Variants in ABL1 observed in about 807,000 individuals in gnomAD.
The protein encoded by ABL1 is ABL proto-oncogene 1, non-receptor tyrosine kinase.
A neutral mutation model predicts 94.7 loss-of-function variants in ABL1; 11 were observed. The observed-to-expected ratio is 0.12, with a 90% CI of 0.07 to 0.19. The LOEUF is 0.19. Ranked by LOEUF, ABL1 falls within the 10% of genes least tolerant of loss-of-function variation. The pLI, the probability that ABL1 is intolerant of heterozygous loss-of-function variation, is 1.00. For missense variants in ABL1, 1,082 were observed against 1,489.4 expected, an observed-to-expected ratio of 0.73 and a Z score of 4.50; for synonymous variants, 656 against 622.4, an observed-to-expected ratio of 1.05 and a Z score of -0.80.
chr9:130,865,999 T>G lies in ABL1; in HGVS notation c.822+2964T>G, dbSNP rs143230301. Among the ~76,000 whole-genome samples the G allele has an allele frequency of 2.1e-3, 322 of 152,288 alleles. 1 individual carries two copies. Among genetic ancestry groups the G allele is most frequent in the African/African-American group, 7.5e-3 (313 of 41,546 alleles). The stretch of plus-strand genomic sequence containing the variant: ...GCACCGGCATGCAGCTCAGAGGAAA[T>G]GCATACTGGAACATTTCAGATTTTG... On this transcript the variant is annotated intron_variant, in intron 4 of 10. Transcript: ENST00000318560.
intron 1 of ABL1, among the ~76,000 whole-genome samples, chr9:130,850,707 A>G (rs1007761371): frequency 6.6e-6 from 1 of 151,354 alleles, no homozygotes; most frequent in Non-Finnish European, 1.5e-5. Context: ...GGGTTTCGCT[A>G]TGTTGGCCAG....
chr9:130,845,360 T>TA (rs1446547848), intron 1 of ABL1, among the ~76,000 whole-genome samples: 1 of 151,950 alleles, frequency 6.6e-6, no homozygotes, highest in African/African-American at 2.4e-5. Context: ...TTTTTTTTTT[T>TA]AGACAGAGTC....
chr9:130,885,647 T>C lies in ABL1; in HGVS notation c.3357T>C (p.Ser1119=), dbSNP rs1402255570. 1 of 1,612,940 alleles carries C rather than the reference T, an allele frequency of 6.2e-7. No homozygotes were observed. The highest frequency in any genetic ancestry group is 8.5e-7 in the Non-Finnish European group (1 of 1,179,786). ...CTCAGGACTTCAGCAAGCTCCTCAG[T>C]TCGGTGAAGGAAATCAGTGACATAG... ...AATQDFSKLL[S]SVKEISDIVQ... The change falls in exon 11 of 11, where the codon AGT becomes AGC. Residue 1119 remains serine, a synonymous_variant. Transcript: ENST00000318560.
chr9:130,811,413 T>C (rs948471607), intron 1 of ABL1, among the ~76,000 whole-genome samples: 1 of 152,224 alleles, frequency 6.6e-6, no homozygotes, highest in Non-Finnish European at 1.5e-5. Flanking sequence ...TTAAAAGATA[T>C]GTCTTAGAGG....
At chr9:130,820,145 C>T (rs903268935) in intron 1 of ABL1, among the ~76,000 whole-genome samples, 6 of 152,082 alleles carry the variant, frequency 3.9e-5, no homozygotes, top group Non-Finnish European at 8.8e-5. Flanking sequence ...TGTTTACTAC[C>T]TAGACATTTT....
intron 1 of ABL1, among the ~76,000 whole-genome samples, chr9:130,839,474 G>C (rs1322682240): frequency 6.6e-6 from 1 of 152,222 alleles, no homozygotes; most frequent in Non-Finnish European, 1.5e-5. Context: ...CATTTTGGGT[G>C]CTATTAACAT....
At chr9:130,838,729 A>G (rs918856015) in intron 1 of ABL1, among the ~76,000 whole-genome samples, 9 of 152,242 alleles carry the variant, frequency 5.9e-5, no homozygotes, top group African/African-American at 2.2e-4. Flanking sequence ...GAGACGTCAA[A>G]GAAAACATGA....
At chr9:130,874,120 C>T (rs183457170) in intron 6 of ABL1, among the ~76,000 whole-genome samples, 1 of 152,222 alleles carries the variant, frequency 6.6e-6, no homozygotes. Context: ...TGCTGACGAT[C>T]AGGCTATCTC....
At chr9:130,765,460 C>G (rs1264513871) in intron 1 of ABL1, among the ~76,000 whole-genome samples, 1 of 152,142 alleles carries the variant, frequency 6.6e-6, no homozygotes, top group Admixed American at 6.5e-5. Context: ...AGTTTTTCTC[C>G]CAGAATCTTC....
At chr9:130,809,409 AGAGAGAGAGT>A (rs762860818) in intron 1 of ABL1, among the ~76,000 whole-genome samples, 3,944 of 125,178 alleles carry the variant, frequency 0.032, 67 homozygotes, top group South Asian at 0.065. Context: ...AGAGAGAGAG[AGAGAGAGAGT>A]GTGTGTGTGT....
In ABL1 at chr9:130,887,225, C is replaced by T. The variant is rs1176890301; in HGVS notation, c.*1542C>T. The T allele has an allele frequency of 1.3e-5, 3 of 233,114 alleles. No individual in the cohort carries two copies. The highest frequency in any genetic ancestry group is 1.2e-4 in the East Asian group (2 of 16,584). The allele number at this position is 233,114 out of a possible 1,614,324, so 14.4% of individuals were successfully genotyped here. On this transcript the variant is annotated 3_prime_UTR_variant, in exon 11 of 11. Coordinates refer to ENST00000318560, the MANE Select transcript of ABL1 (RefSeq NM_005157.6). ...ACAGGCCCTAGCTTTACGCTCATCA[C>T]CTAAACTTGTACTTTATTTTTCTGA...
chr9:130,882,108 T>C (rs1564322554), intron 10 of ABL1, among the ~76,000 whole-genome samples: 3 of 152,150 alleles, frequency 2.0e-5, no homozygotes, highest in Non-Finnish European at 4.4e-5. Context: ...CCACCCTTCC[T>C]CCTCTTATCG....
intron 3 of ABL1, among the ~76,000 whole-genome samples, chr9:130,861,280 A>AT (rs1305734565): frequency 6.6e-6 from 1 of 152,198 alleles, no homozygotes; most frequent in African/African-American, 2.4e-5. Context: ...TTACCAAAAG[A>AT]TTGTAACCCC....
intron 3 of ABL1, among the ~76,000 whole-genome samples, chr9:130,857,142 T>C (rs934600856): frequency 2.0e-5 from 3 of 152,258 alleles, no homozygotes; most frequent in African/African-American, 7.2e-5. Context: ...TTTCATAGAC[T>C]GACTAGTGGC....
chr9:130,870,730 T>C (rs3808816), intron 4 of ABL1, among the ~76,000 whole-genome samples: 38,957 of 152,168 alleles, frequency 0.26, 7,801 homozygotes, highest in African/African-American at 0.56. Flanking sequence ...TGACTACCAA[T>C]GAGGTTTAAT....
intron 6 of ABL1, among the ~76,000 whole-genome samples, chr9:130,874,653 C>T (rs759625911): frequency 3.3e-5 from 5 of 152,300 alleles, no homozygotes; most frequent in Non-Finnish European, 7.4e-5. Flanking sequence ...CCAGGGAGCC[C>T]GCTCCCAGCA....
chr9:130,780,624 C>T (rs1256941999), intron 1 of ABL1, among the ~76,000 whole-genome samples: 1 of 152,144 alleles, frequency 6.6e-6, no homozygotes, highest in Admixed American at 6.5e-5. Flanking sequence ...CTCTGCCTGG[C>T]TGACACCAGG....
chr9:130,718,371 C>G (rs1383992838), intron 1 of ABL1, among the ~76,000 whole-genome samples: 2 of 149,690 alleles, frequency 1.3e-5, no homozygotes, highest in Non-Finnish European at 3.0e-5. Flanking sequence ...GATGTAGCAT[C>G]AAAGAACAAT....
intron 4 of ABL1, among the ~76,000 whole-genome samples, chr9:130,869,397 A>G (rs1241320887): frequency 6.6e-6 from 1 of 152,214 alleles, no homozygotes; most frequent in Non-Finnish European, 1.5e-5. Flanking sequence ...CACAAGGGAG[A>G]TACTGACATT....
Sources: allele counts gnomAD v4.1 joint callset (sites outside exome capture counted in the v4.1 genomes callset), GRCh38; gene constraint gnomAD v4.1.1; transcripts MANE v1.5; gene names NCBI Gene and HGNC (gene_info 2026-07-23, HGNC 2026-07-21).